THSD7B: variants seen among roughly 807,000 people sequenced by gnomAD.
THSD7B encodes thrombospondin type 1 domain containing 7B, also known as thrombospondin type-1 domain-containing protein 7B.
Under a neutral mutation model 213.6 loss-of-function variants are expected in THSD7B, and 138 were observed. The observed-to-expected ratio is 0.65, with a 90% CI of 0.56 to 0.74. The LOEUF (loss-of-function observed/expected upper bound fraction) is 0.74, where lower values mean the gene tolerates loss of function less well. THSD7B is among the 30% of genes least tolerant of loss of function. The pLI, the probability that THSD7B is intolerant of heterozygous loss-of-function variation, is 0.00. For missense variants in THSD7B, 1,931 were observed against 1,991.5 expected (o/e 0.97, Z 0.58); for synonymous variants, 742 against 687.0 (o/e 1.08, Z -1.25).
intron 2 of THSD7B, among the ~76,000 whole-genome samples, chr2:136,898,575 C>CCCCA: frequency 1.8e-5 from 2 of 108,424 alleles, no homozygotes; most frequent in Non-Finnish European, 4.6e-5. Flanking sequence ...CCCCTTGTCC[C>CCCCA]CCCGCCCCCC....
intron 2 of THSD7B, among the ~76,000 whole-genome samples, chr2:136,977,801 G>T (rs1243157288): frequency 9.4e-5 from 10 of 106,002 alleles, no homozygotes; most frequent in Non-Finnish European, 1.7e-4. Flanking sequence ...TCTTTTCTTT[G>T]TTTTTTTTTT....
chr2:137,442,322 G>A (rs543020875), intron 14 of THSD7B, among the ~76,000 whole-genome samples: 9 of 151,966 alleles, frequency 5.9e-5, no homozygotes, highest in Non-Finnish European at 1.3e-4. Context: ...CACCATATTC[G>A]CAAAATATTC....
intron 10 of THSD7B, among the ~76,000 whole-genome samples, chr2:137,246,463 C>T (rs1682041405): frequency 6.6e-6 from 1 of 152,140 alleles, no homozygotes. Context: ...TTTATGGGAC[C>T]AAGTGCACCA....
intron 2 of THSD7B, among the ~76,000 whole-genome samples, chr2:136,946,793 G>A (rs1684947011): frequency 6.6e-6 from 1 of 152,246 alleles, no homozygotes; most frequent in African/African-American, 2.4e-5. Flanking sequence ...ACCGAGCCTT[G>A]CATAGGATAT....
intron 14 of THSD7B, among the ~76,000 whole-genome samples, chr2:137,444,815 A>C (rs1687492994): frequency 6.6e-6 from 1 of 152,068 alleles, no homozygotes; most frequent in Non-Finnish European, 1.5e-5. Context: ...GGAAACACTC[A>C]ACAAAATGAA....
intron 1 of THSD7B, among the ~76,000 whole-genome samples, chr2:136,820,712 C>A (rs1488584132): frequency 6.6e-6 from 1 of 152,106 alleles, no homozygotes; most frequent in Admixed American, 6.5e-5. Context: ...AGTAGCATAT[C>A]AATGTCAAAT....
chr2:137,383,701 G>T (rs746840730), intron 12 of THSD7B, among the ~76,000 whole-genome samples: 6 of 152,102 alleles, frequency 3.9e-5, no homozygotes, highest in Non-Finnish European at 8.8e-5. Flanking sequence ...CTGTACATAT[G>T]GCTTGCGTCC....
At chr2:136,955,019 T>C (rs1685102159) in intron 2 of THSD7B, among the ~76,000 whole-genome samples, 1 of 152,192 alleles carries the variant, frequency 6.6e-6, no homozygotes, top group Non-Finnish European at 1.5e-5. Context: ...TTAATTGTTT[T>C]ATGCCTAAAG....
intron 1 of THSD7B, among the ~76,000 whole-genome samples, chr2:136,881,357 G>T (rs1428318830): frequency 6.6e-6 from 1 of 152,132 alleles, no homozygotes; most frequent in African/African-American, 2.4e-5. Context: ...CAAGGTATCT[G>T]CCAACTCTGC....
At chr2:136,828,787 T>C (rs547940519) in intron 1 of THSD7B, among the ~76,000 whole-genome samples, 1 of 152,302 alleles carries the variant, frequency 6.6e-6, no homozygotes, top group South Asian at 2.1e-4. Context: ...AGTATGAGGG[T>C]CACTTCTTCA....
At chr2:137,499,646 A>T (rs144315444) in intron 15 of THSD7B, among the ~76,000 whole-genome samples, 1 of 152,298 alleles carries the variant, frequency 6.6e-6, no homozygotes, top group African/African-American at 2.4e-5. Flanking sequence ...AAAGCATCGA[A>T]TTGCTTAAGT....
intron 1 of THSD7B, among the ~76,000 whole-genome samples, chr2:136,822,777 A>T (rs1422973313): frequency 6.6e-6 from 1 of 152,182 alleles, no homozygotes; most frequent in Non-Finnish European, 1.5e-5. Context: ...TGAAAGGGAG[A>T]GTCCTACCTG....
At chr2:136,984,786 T>C (rs990642168) in intron 2 of THSD7B, among the ~76,000 whole-genome samples, 2 of 152,148 alleles carry the variant, frequency 1.3e-5, no homozygotes, top group African/African-American at 4.8e-5. Context: ...TGAAATTGCT[T>C]AGGGACTGTT....
chr2:136,893,432 G>T (rs2105004078), intron 2 of THSD7B, among the ~76,000 whole-genome samples: 1 of 152,228 alleles, frequency 6.6e-6, no homozygotes, highest in South Asian at 2.1e-4. Flanking sequence ...GCAGAGTTTT[G>T]ATATTTTACT....
At chr2:137,395,473 T>A (rs1686156011) in intron 12 of THSD7B, among the ~76,000 whole-genome samples, 1 of 150,718 alleles carries the variant, frequency 6.6e-6, no homozygotes, top group Non-Finnish European at 1.5e-5. Context: ...ATTTATTGAT[T>A]TGCATATATT....
intron 7 of THSD7B, among the ~76,000 whole-genome samples, chr2:137,189,982 A>G (rs533729257): frequency 1.1e-3 from 162 of 152,248 alleles, no homozygotes; most frequent in African/African-American, 3.6e-3. Flanking sequence ...TATTTTAAGT[A>G]CCATCTAGTT....
intron 2 of THSD7B, among the ~76,000 whole-genome samples, chr2:136,978,601 T>G (rs1265471777): frequency 1.3e-5 from 2 of 152,220 alleles, no homozygotes; most frequent in Non-Finnish European, 2.9e-5. Context: ...GAAACTAGGA[T>G]TGCAACCCCT....
At chr2:137,031,290 A>G (rs1257169719) in intron 2 of THSD7B, among the ~76,000 whole-genome samples, 1 of 152,222 alleles carries the variant, frequency 6.6e-6, no homozygotes, top group Non-Finnish European at 1.5e-5. Flanking sequence ...GGTTGCAGTA[A>G]GCCGAGATCA....
intron 9 of THSD7B, among the ~76,000 whole-genome samples, chr2:137,238,746 G>A (rs905622475): frequency 1.3e-5 from 2 of 149,254 alleles, no homozygotes; most frequent in Non-Finnish European, 3.0e-5. Flanking sequence ...GTAGAGACGG[G>A]GTTTCACCTT....
Sources: allele counts gnomAD v4.1 joint callset (sites outside exome capture counted in the v4.1 genomes callset), GRCh38; gene constraint gnomAD v4.1.1; transcripts MANE v1.5; gene names NCBI Gene and HGNC (gene_info 2026-07-23, HGNC 2026-07-21).